Variants in SDK1 observed in about 807,000 individuals in gnomAD.
SDK1 encodes the protein sidekick cell adhesion molecule 1.
In SDK1, 157 loss-of-function variants were observed where a neutral mutation model predicts 245.5. That is an observed-to-expected ratio of 0.64 (90% confidence interval 0.56 to 0.73). The LOEUF is 0.73. Ranked by LOEUF, SDK1 falls within the 30% of genes least tolerant of loss-of-function variation. The pLI is 0.00. For synonymous variants in SDK1, 1,647 were observed against 1,278.5 expected (o/e 1.29, Z -6.15); for missense variants, 3,583 against 3,002.3 (o/e 1.19, Z -4.52).
chr7:3,433,849 G>T (rs372888776), intron 1 of SDK1, among the ~76,000 whole-genome samples: 1 of 152,170 alleles, frequency 6.6e-6, no homozygotes, highest in Non-Finnish European at 1.5e-5. Context: ...CATACAAGCC[G>T]TGGTTGACTT....
intron 1 of SDK1, among the ~76,000 whole-genome samples, chr7:3,451,815 C>T (rs544723774): frequency 6.6e-6 from 1 of 152,260 alleles, no homozygotes; most frequent in Middle Eastern, 3.4e-3. Context: ...TAAAAACCAA[C>T]TGTACTGGGC....
intron 22 of SDK1, among the ~76,000 whole-genome samples, chr7:4,109,673 G>A (rs1040320321): frequency 2.6e-5 from 4 of 152,204 alleles, no homozygotes. Context: ...TCTCCTGGTG[G>A]GCACAAGGCC....
At chr7:4,051,936 C>T (rs1037774344) in intron 19 of SDK1, 106 bp downstream of exon 19, 37 of 1,060,722 alleles carry the variant, frequency 3.5e-5, no homozygotes, top group South Asian at 1.2e-4. Context: ...GAGGAGGCCC[C>T]GGATTTTTGG....
rs548363133 is a variant in SDK1 at position 3,750,598 on chromosome 7, T to C, written c.714-70852T>C. On this transcript the variant is annotated intron_variant, in intron 4 of 44. Coordinates refer to ENST00000404826, the MANE Select transcript of SDK1 (RefSeq NM_152744.4). ...CCAGTGGGAATTCATAGCCAAGGAGTAGTGTGGGGGTCAGCGGATGGAAAA... is the reference window on the plus strand; with the variant it reads ...CCAGTGGGAATTCATAGCCAAGGAGCAGTGTGGGGGTCAGCGGATGGAAAA... Among the ~76,000 whole-genome samples the C allele has an allele frequency of 4.0e-4, 61 of 152,072 alleles. 1 individual carries two copies. Among genetic ancestry groups the C allele is most frequent in the African/African-American group, 1.3e-3 (55 of 41,474 alleles).
intron 5 of SDK1, among the ~76,000 whole-genome samples, chr7:3,899,835 C>G (rs753857921): frequency 2.0e-5 from 3 of 152,244 alleles, no homozygotes; most frequent in African/African-American, 7.2e-5. Flanking sequence ...CCCCTGCCAC[C>G]CCAGGCACAC....
intron 4 of SDK1, among the ~76,000 whole-genome samples, chr7:3,705,425 G>GATTTTATTTTATTTTATTTTATTTT (rs4039583): frequency 8.8e-6 from 1 of 113,844 alleles, no homozygotes; most frequent in Non-Finnish European, 1.9e-5. Flanking sequence ...TATTCCTAGT[G>GATTTTATTTTATTTTATTTTATTTT]ATTTTATTTT....
rs149902699 is a variant in SDK1, at chr7:3,794,117, C to G, written c.714-27333C>G. On this transcript the variant is annotated intron_variant, in intron 4 of 44. Transcript: ENST00000404826. ...TCTATTTTACGTTTTATGATTTTAC[C>G]TTTTTTAAAAAAAGTATCATGAGGT... Among the ~76,000 whole-genome samples the G allele has an allele frequency of 2.7e-4, 41 of 152,058 alleles. No individual in the cohort carries two copies. In the East Asian group the frequency reaches 7.7e-3, roughly 29 times the overall value.
At chr7:3,825,508 C>G (rs550712364) in intron 5 of SDK1, among the ~76,000 whole-genome samples, 1 of 152,258 alleles carries the variant, frequency 6.6e-6, no homozygotes, top group South Asian at 2.1e-4. Flanking sequence ...ATGACTGCCT[C>G]TCTCCTTCCT....
intron 1 of SDK1, among the ~76,000 whole-genome samples, chr7:3,519,552 A>T (rs145837501): frequency 6.7e-6 from 1 of 149,850 alleles, no homozygotes; most frequent in Admixed American, 6.7e-5. Context: ...AGCATTTGAC[A>T]TACATGTACT....
intron 22 of SDK1, among the ~76,000 whole-genome samples, chr7:4,103,608 C>T (rs1313191457): frequency 2.6e-5 from 4 of 152,226 alleles, no homozygotes; most frequent in African/African-American, 4.8e-5. Flanking sequence ...AACCCATTTT[C>T]AGTACTGATT....
chr7:4,156,403 G>A (rs1780738669), intron 30 of SDK1, among the ~76,000 whole-genome samples: 1 of 152,218 alleles, frequency 6.6e-6, no homozygotes, highest in Non-Finnish European at 1.5e-5. Context: ...TCGGACTTCA[G>A]AAGCATCTCC....
At chr7:3,426,312 A>C (rs1046536996) in intron 1 of SDK1, among the ~76,000 whole-genome samples, 4 of 152,156 alleles carry the variant, frequency 2.6e-5, no homozygotes, top group African/African-American at 9.7e-5. Context: ...ACTGAGTGAT[A>C]AGGGTGCTAA....
chr7:4,227,555 C>T, intron 40 of SDK1: 1 of 431,552 alleles, frequency 2.3e-6, no homozygotes, highest in Non-Finnish European at 4.7e-6. Context: ...AAACAACTGA[C>T]AGGCTTGCAT....
intron 1 of SDK1, among the ~76,000 whole-genome samples, chr7:3,529,229 C>G (rs1176295887): frequency 1.3e-5 from 2 of 152,118 alleles, no homozygotes; most frequent in Admixed American, 1.3e-4. Context: ...TATACACACC[C>G]AGAAGGCCTA....
At chr7:3,684,427 C>T (rs1325678482) in intron 4 of SDK1, among the ~76,000 whole-genome samples, 1 of 152,204 alleles carries the variant, frequency 6.6e-6, no homozygotes, top group Non-Finnish European at 1.5e-5. Flanking sequence ...GTCAGTGCTT[C>T]CCTTTTGCCA....
chr7:3,690,898 C>T (rs1428560739), intron 4 of SDK1, among the ~76,000 whole-genome samples: 3 of 152,166 alleles, frequency 2.0e-5, no homozygotes, highest in African/African-American at 4.8e-5. Flanking sequence ...AAATAAAATA[C>T]ACTCATATTA....
At chr7:4,025,386 C>T (rs1332800991) in intron 17 of SDK1, among the ~76,000 whole-genome samples, 4 of 152,154 alleles carry the variant, frequency 2.6e-5, no homozygotes, top group Non-Finnish European at 4.4e-5. Context: ...GGCCGCCAGC[C>T]GAGGCACATA....
chr7:4,081,162 G>C (rs554434524), intron 22 of SDK1, among the ~76,000 whole-genome samples: 6 of 152,204 alleles, frequency 3.9e-5, no homozygotes, highest in African/African-American at 1.4e-4. Flanking sequence ...AGGCCACAGC[G>C]ACAGAAACGC....
rs542697200 is a variant in SDK1 at position 3,657,926 on chromosome 7, A to G, written c.713+15821A>G. 4.6e-5 allele frequency among the ~76,000 whole-genome samples: 7 copies of G among 152,308 alleles called. No individual in the cohort carries two copies. The South Asian group carries it at 8.3e-4, about 18-fold the overall frequency. On this transcript the variant is annotated intron_variant, in intron 4 of 44. Transcript: ENST00000404826. ...GCCGAGGATGGAGGTTGGCATTTGA[A>G]TGATACCTTTGTCATCATTTTCGTG... is the stretch of plus-strand genomic sequence containing the variant.
Sources: allele counts gnomAD v4.1 joint callset (sites outside exome capture counted in the v4.1 genomes callset), GRCh38; gene constraint gnomAD v4.1.1; transcripts MANE v1.5; gene names NCBI Gene and HGNC (gene_info 2026-07-23, HGNC 2026-07-21).